The following MRFAP1L2 variants were observed in gnomAD, a reference collection of about 807,000 sequenced individuals.
MRFAP1L2 encodes Morf4 family associated protein 1 like 2.
At chr4:6,674,197 A>C in the MRFAP1L2 span, 1 of 392,760 alleles carries the variant, frequency 2.5e-6, no homozygotes, top group African/African-American at 2.1e-5. Context: ...CGCGGGCTGG[A>C]AGAGGCGGCG....
At chr4:6,674,727 G>A in the MRFAP1L2 span, 1 of 523,584 alleles carries the variant, frequency 1.9e-6, no homozygotes, top group Non-Finnish European at 3.3e-6. Context: ...AAAATAATTT[G>A]ATATGTTGTT....
At chr4:6,674,404 G>A in the MRFAP1L2 span, 6 of 655,710 alleles carry the variant, frequency 9.2e-6, 1 homozygote, top group South Asian at 7.9e-5. Context: ...GTGAGGTGGA[G>A]GCAGAGGAGC....
the MRFAP1L2 span, chr4:6,674,093 C>T: frequency 3.4e-5 from 13 of 385,922 alleles, no homozygotes; most frequent in East Asian, 4.5e-4. Context: ...ATACCGTCCT[C>T]GCTGCGGAAA....
chr4:6,674,801 G>T, the MRFAP1L2 span: 1 of 467,782 alleles, frequency 2.1e-6, no homozygotes, highest in Non-Finnish European at 3.8e-6. Flanking sequence ...CTACGTGGGG[G>T]GAGAGAGGTG....
chr4:6,674,747 C>T, the MRFAP1L2 span: 4 of 510,628 alleles, frequency 7.8e-6, no homozygotes, highest in Non-Finnish European at 1.4e-5. Context: ...TGTAAAGAGT[C>T]ATGACCACTG....
chr4:6,674,204 G>T, the MRFAP1L2 span: 9 of 395,550 alleles, frequency 2.3e-5, no homozygotes. Context: ...TGGAAGAGGC[G>T]GCGGCGTGAT....
At chr4:6,674,095 C>G in the MRFAP1L2 span, 1 of 385,732 alleles carries the variant, frequency 2.6e-6, no homozygotes, top group East Asian at 3.7e-5. Context: ...ACCGTCCTCG[C>G]TGCGGAAAGT....
At chr4:6,674,295 G>T in the MRFAP1L2 span, 63 of 539,386 alleles carry the variant, frequency 1.2e-4, 1 homozygote, top group Admixed American at 1.6e-3. Flanking sequence ...CGCGCCGGCC[G>T]CGAGAACCTG....
the MRFAP1L2 span, chr4:6,674,778 A>G: frequency 1.0e-5 from 5 of 492,078 alleles, no homozygotes; most frequent in African/African-American, 2.1e-5. Flanking sequence ...CAGGACGTAG[A>G]CCTGGTGGGT....
At chr4:6,674,635 T>G in the MRFAP1L2 span, 3 of 561,682 alleles carry the variant, frequency 5.3e-6, no homozygotes, top group Non-Finnish European at 9.3e-6. Context: ...TGGAAGGCGC[T>G]GGGTAGGCAG....
the MRFAP1L2 span, chr4:6,674,811 G>GT: frequency 8.8e-6 from 4 of 456,370 alleles, no homozygotes; most frequent in East Asian, 1.1e-4. Context: ...GGAGAGAGGT[G>GT]TGAAGCGGAG....
At chr4:6,674,093 C>G in the MRFAP1L2 span, 1 of 385,922 alleles carries the variant, frequency 2.6e-6, no homozygotes, top group Non-Finnish European at 4.6e-6. Context: ...ATACCGTCCT[C>G]GCTGCGGAAA....
At chr4:6,675,284 C>T in the MRFAP1L2 span, 3 of 152,192 alleles carry the variant, frequency 2.0e-5, no homozygotes, top group Non-Finnish European at 2.9e-5. Context: ...ATATTTGTTC[C>T]TGTGATCTTA....
chr4:6,674,546 C>G, the MRFAP1L2 span: 1 of 663,002 alleles, frequency 1.5e-6, no homozygotes, highest in Non-Finnish European at 2.7e-6. Flanking sequence ...GCTGCACCAG[C>G]GGATCGCCGG....
chr4:6,674,927 C>G, the MRFAP1L2 span: 3 of 210,538 alleles, frequency 1.4e-5, no homozygotes, highest in African/African-American at 6.9e-5. Flanking sequence ...GTTTGACTCC[C>G]GGATATGAGA....
the MRFAP1L2 span, chr4:6,675,833 CCAAA>C: frequency 4.6e-5 from 7 of 152,060 alleles, no homozygotes; most frequent in African/African-American, 1.5e-4. Context: ...CATGGGGGTC[CCAAA>C]CAGTCATTCC....
chr4:6,674,483 G>C, the MRFAP1L2 span: 4 of 667,670 alleles, frequency 6.0e-6, no homozygotes, highest in Admixed American at 6.4e-5. Flanking sequence ...GCTGTGCGCC[G>C]AAGCAGAGAG....
At chr4:6,674,426 G>GCCCCAGCA in the MRFAP1L2 span, 2 of 654,626 alleles carry the variant, frequency 3.1e-6, no homozygotes, top group Non-Finnish European at 5.5e-6. Flanking sequence ...GGGCGCCCGG[G>GCCCCAGCA]CCCCAGCACC....
At chr4:6,674,411 G>C in the MRFAP1L2 span, 1 of 654,718 alleles carries the variant, frequency 1.5e-6, no homozygotes, top group Admixed American at 2.3e-5. Flanking sequence ...GGAGGCAGAG[G>C]AGCGGGGCGC....
Sources: allele counts gnomAD v4.1 joint callset, GRCh38; gene constraint gnomAD v4.1.1; transcripts MANE v1.5; gene names NCBI Gene and HGNC (gene_info 2026-07-23, HGNC 2026-07-21).